Variants in RORB observed in about 807,000 individuals in gnomAD.
The protein encoded by RORB is nuclear receptor ROR-beta.
Under a neutral mutation model 59.1 loss-of-function variants are expected in RORB, and 6 were observed. The observed-to-expected ratio is 0.10, with a 90% confidence interval of 0.06 to 0.20. The LOEUF (loss-of-function observed/expected upper bound fraction) is 0.20, where lower values mean the gene tolerates loss of function less well. Ranked by LOEUF, RORB falls within the 10% of genes least tolerant of loss-of-function variation. RORB has a pLI of 1.00. For missense variants in RORB, 320 were observed against 560.5 expected, an observed-to-expected ratio of 0.57 and a Z score of 4.33; for synonymous variants, 215 against 204.5, an observed-to-expected ratio of 1.05 and a Z score of -0.44.
chr9:74,556,849 T>C (rs375655922), intron 1 of RORB, among the ~76,000 whole-genome samples: 1 of 152,204 alleles, frequency 6.6e-6, no homozygotes, highest in African/African-American at 2.4e-5. Context: ...ACCATCCTGC[T>C]ATTGCTACAA....
chr9:74,565,396 T>C (rs1413447010), intron 1 of RORB, among the ~76,000 whole-genome samples: 1 of 152,174 alleles, frequency 6.6e-6, no homozygotes, highest in East Asian at 1.9e-4. Flanking sequence ...TTGAGACATA[T>C]TCACTTCAAA....
intron 1 of RORB, among the ~76,000 whole-genome samples, chr9:74,604,208 A>G (rs1823114677): frequency 6.6e-6 from 1 of 152,228 alleles, no homozygotes; most frequent in South Asian, 2.1e-4. Context: ...TTGAATAAAT[A>G]TTATTTGAAT....
chr9:74,596,500 A>G (rs1029255264), intron 1 of RORB, among the ~76,000 whole-genome samples: 1 of 152,188 alleles, frequency 6.6e-6, no homozygotes, highest in African/African-American at 2.4e-5. Flanking sequence ...ACCTAGAAAA[A>G]GTAACTCCAT....
intron 1 of RORB, among the ~76,000 whole-genome samples, chr9:74,552,756 A>G (rs1303407516): frequency 6.6e-6 from 1 of 152,112 alleles, no homozygotes; most frequent in Non-Finnish European, 1.5e-5. Flanking sequence ...AAGGCGGTCA[A>G]TGCAGAGAAG....
At chr9:74,583,588 G>C (rs938131220) in intron 1 of RORB, among the ~76,000 whole-genome samples, 5 of 151,866 alleles carry the variant, frequency 3.3e-5, no homozygotes, top group Non-Finnish European at 5.9e-5. Context: ...TTTGTCCAGG[G>C]AGCATTTTCA....
chr9:74,525,357 G>A (rs1343231795), intron 1 of RORB, among the ~76,000 whole-genome samples: 5 of 151,916 alleles, frequency 3.3e-5, no homozygotes, highest in Admixed American at 2.0e-4. Context: ...GAGAAGTCAT[G>A]TTCCCAAGAT....
At chr9:74,613,493 C>T (rs779037349) in intron 1 of RORB, among the ~76,000 whole-genome samples, 6 of 152,174 alleles carry the variant, frequency 3.9e-5, no homozygotes, top group Admixed American at 6.5e-5. Context: ...GAGGACCATT[C>T]CAAGGGTCTT....
chr9:74,516,154 G>A (rs927578912), intron 1 of RORB, among the ~76,000 whole-genome samples: 8 of 152,006 alleles, frequency 5.3e-5, no homozygotes, highest in African/African-American at 1.9e-4. Context: ...CAATTTTTTT[G>A]TAAAGTGAAG....
At chr9:74,598,933 G>A (rs1039003351) in intron 1 of RORB, among the ~76,000 whole-genome samples, 1 of 152,156 alleles carries the variant, frequency 6.6e-6, no homozygotes, top group Non-Finnish European at 1.5e-5. Flanking sequence ...CAAACCAGAA[G>A]AGGAACCTTA....
intron 1 of RORB, among the ~76,000 whole-genome samples, chr9:74,586,742 T>G (rs1302700188): frequency 6.6e-6 from 1 of 152,026 alleles, no homozygotes; most frequent in Non-Finnish European, 1.5e-5. Flanking sequence ...ATGTTTTTAT[T>G]TGTGTTTTGC....
At chr9:74,613,285 T>G (rs1002967927) in intron 1 of RORB, among the ~76,000 whole-genome samples, 5 of 152,196 alleles carry the variant, frequency 3.3e-5, no homozygotes, top group Non-Finnish European at 7.3e-5. Flanking sequence ...GTACAAATAG[T>G]TAAGTAATTT....
rs1030409326 is a variant in RORB at position 74,686,511 on chromosome 9, T to C, written c.*893T>C. ...TTTTGACCAAACAGTAGATATTTTCTATTTTTCACCAGAACACATAAAAAC... is the reference window on the plus strand; with the variant it reads ...TTTTGACCAAACAGTAGATATTTTCCATTTTTCACCAGAACACATAAAAAC... On this transcript the variant is annotated 3_prime_UTR_variant, in exon 10 of 10. Coordinates refer to ENST00000376896, the MANE Select transcript of RORB (RefSeq NM_006914.4). 1.3e-5 allele frequency: 2 copies of C among 152,236 alleles called. No homozygotes were observed. Among genetic ancestry groups the C allele is most frequent in the Non-Finnish European group, 2.9e-5 (2 of 68,034 alleles). 9.4% of individuals were successfully genotyped at this position (152,236 alleles called of 1,614,324 possible). A position where few individuals can be genotyped will look rare whatever the true frequency, so the allele number is the denominator to read the frequency against.
intron 9 of RORB, among the ~76,000 whole-genome samples, chr9:74,684,579 T>C (rs1258199189): frequency 2.6e-5 from 4 of 151,074 alleles, no homozygotes; most frequent in Admixed American, 6.6e-5. Flanking sequence ...CTAAGACCCA[T>C]ACGGCATTTA....
At chr9:74,640,422 C>T (rs754593978) in intron 3 of RORB, among the ~76,000 whole-genome samples, 3 of 142,098 alleles carry the variant, frequency 2.1e-5, no homozygotes, top group Non-Finnish European at 3.1e-5. Flanking sequence ...TACCACCATA[C>T]TCGGCTAATT....
intron 3 of RORB, among the ~76,000 whole-genome samples, chr9:74,639,090 A>G (rs373350633): frequency 1.3e-5 from 2 of 152,332 alleles, no homozygotes; most frequent in East Asian, 3.9e-4. Context: ...TGTGGTTAAC[A>G]GCAGATTTCT....
At chr9:74,567,443 C>A (rs1822486036) in intron 1 of RORB, among the ~76,000 whole-genome samples, 1 of 152,106 alleles carries the variant, frequency 6.6e-6, no homozygotes, top group Non-Finnish European at 1.5e-5. Flanking sequence ...ACATTTTCTT[C>A]TTGGTTGCTG....
rs905010727 is a variant in RORB at position 74,685,332 on chromosome 9, C to T, written c.1225-131C>T. The T allele has an allele frequency of 3.4e-5, 25 of 737,326 alleles. No homozygotes were observed. The Middle Eastern group carries it at 1.9e-3, about 56-fold the overall frequency. 45.7% of individuals were successfully genotyped at this position (737,326 alleles called of 1,614,324 possible). A position where few individuals can be genotyped will look rare whatever the true frequency, so the allele number is the denominator to read the frequency against. ...TGTAAGAGAAAAGCTGAAAGTGCGC[C>T]TTCTTTCTTTCTGAACATCTTTTTC... is the stretch of plus-strand genomic sequence containing the variant. On this transcript the variant is annotated intron_variant, in intron 9 of 9. Transcript: ENST00000376896.
chr9:74,689,450 A>C lies in RORB; in HGVS notation c.*3832A>C, dbSNP rs1166080611. 1 of 152,208 alleles carries C rather than the reference A, an allele frequency of 6.6e-6. No homozygotes were observed. Among genetic ancestry groups the C allele is most frequent in the Non-Finnish European group, 1.5e-5 (1 of 68,070 alleles). The allele number at this position is 152,208 out of a possible 1,614,324, so 9.4% of individuals were successfully genotyped here. Reference sequence around the variant, plus strand: ...CAAAGACTGAAAGCTGAAGGTGGAGATGTTCTCCACAAACATACCCTTTCT... The same window carrying C: ...CAAAGACTGAAAGCTGAAGGTGGAGCTGTTCTCCACAAACATACCCTTTCT... On this transcript the variant is annotated 3_prime_UTR_variant, in exon 10 of 10. Coordinates refer to ENST00000376896, the MANE Select transcript of RORB (RefSeq NM_006914.4).
chr9:74,576,411 T>C (rs565856036), intron 1 of RORB, among the ~76,000 whole-genome samples: 1 of 151,892 alleles, frequency 6.6e-6, no homozygotes, highest in Admixed American at 6.6e-5. Context: ...ATCACAGAAG[T>C]GGGAATAAGG....
Sources: gnomAD v4.1 joint callset for allele counts (sites outside exome capture counted in the v4.1 genomes callset) on GRCh38, gnomAD v4.1.1 for gene constraint, MANE v1.5 for transcripts, NCBI Gene and HGNC (gene_info 2026-07-23, HGNC 2026-07-21) for gene names.